ADAMTSL3: variants seen among roughly 807,000 people sequenced by gnomAD.
ADAMTSL3 encodes ADAMTS-like protein 3.
ADAMTSL3 carries 128 observed loss-of-function variants against 201.7 expected under a neutral mutation model. That is an observed-to-expected ratio of 0.63 (90% CI 0.55 to 0.73). The LOEUF (loss-of-function observed/expected upper bound fraction) is 0.73. Among genes scored for constraint, ADAMTSL3 ranks in the 30% least tolerant of loss-of-function variants. The pLI is 0.00. For synonymous variants in ADAMTSL3, 738 were observed against 748.4 expected (o/e 0.99, Z 0.23); for missense variants, 1,990 against 2,119.6 (o/e 0.94, Z 1.20).
intron 7 of ADAMTSL3, among the ~76,000 whole-genome samples, chr15:83,851,432 G>A (rs2064610907): frequency 6.6e-6 from 1 of 151,998 alleles, no homozygotes; most frequent in East Asian, 1.9e-4. Context: ...GACAATGGTT[G>A]GAATATACAC....
chr15:83,989,674 C>T (rs1044477809), intron 22 of ADAMTSL3, among the ~76,000 whole-genome samples: 1 of 152,182 alleles, frequency 6.6e-6, no homozygotes, highest in African/African-American at 2.4e-5. Context: ...ATTTTTAATA[C>T]TTAGTACTGC....
chr15:84,020,473 T>A (rs6603015), intron 25 of ADAMTSL3, among the ~76,000 whole-genome samples: 126,593 of 152,232 alleles, frequency 0.83, 52,993 homozygotes, highest in East Asian at 0.95. Context: ...ATAAACTGTA[T>A]TCCTGAGTGT....
intron 3 of ADAMTSL3, among the ~76,000 whole-genome samples, chr15:83,769,740 A>T (rs919434251): frequency 2.0e-5 from 3 of 149,666 alleles, no homozygotes; most frequent in African/African-American, 7.4e-5. Context: ...TCTTCATTTC[A>T]CTTTTGAAGG....
At chr15:83,984,339 G>A (rs982473920) in intron 21 of ADAMTSL3, among the ~76,000 whole-genome samples, 11 of 152,176 alleles carry the variant, frequency 7.2e-5, no homozygotes, top group South Asian at 2.1e-4. Flanking sequence ...ATTGAGCCTC[G>A]TATGTGAAAC....
chr15:83,784,093 C>T (rs912888846), intron 4 of ADAMTSL3, among the ~76,000 whole-genome samples: 1 of 152,102 alleles, frequency 6.6e-6, no homozygotes, highest in Non-Finnish European at 1.5e-5. Context: ...CAGTGAATCT[C>T]GTTTTTTATT....
intron 7 of ADAMTSL3, among the ~76,000 whole-genome samples, chr15:83,843,026 T>C (rs1444110101): frequency 6.6e-6 from 1 of 152,204 alleles, no homozygotes; most frequent in Non-Finnish European, 1.5e-5. Context: ...GGTACTGAAA[T>C]GCAAGGTAGT....
chr15:83,983,403 G>C lies in ADAMTSL3; in HGVS notation c.3716+59G>C. ...CACTACCTTCTTAATGGCTATTCCA[G>C]TTTTCTTGAAAATATTTTCAAATTC... is the stretch of plus-strand genomic sequence containing the variant. On this transcript the variant is annotated intron_variant, in intron 21 of 29. Coordinates refer to ENST00000286744, the MANE Select transcript of ADAMTSL3 (RefSeq NM_207517.3). 2.5e-6 allele frequency: 3 copies of C among 1,190,654 alleles called. No individual in the cohort carries two copies. In the South Asian group the frequency reaches 6.4e-5, roughly 25 times the overall value. The allele number at this position is 1,190,654 out of a possible 1,614,324, so 73.8% of individuals were successfully genotyped here.
intron 3 of ADAMTSL3, among the ~76,000 whole-genome samples, chr15:83,717,685 C>T (rs2062038769): frequency 6.6e-6 from 1 of 151,842 alleles, no homozygotes; most frequent in Non-Finnish European, 1.5e-5. Context: ...AGAACAATCC[C>T]TAAGAATAAA....
chr15:83,723,095 T>A (rs1040165331), intron 3 of ADAMTSL3, among the ~76,000 whole-genome samples: 1 of 152,122 alleles, frequency 6.6e-6, no homozygotes, highest in Non-Finnish European at 1.5e-5. Context: ...TGTAAAAGAC[T>A]TTTCAAATGG....
At chr15:83,963,415 A>G (rs1197866319) in intron 19 of ADAMTSL3, among the ~76,000 whole-genome samples, 1 of 152,164 alleles carries the variant, frequency 6.6e-6, no homozygotes, top group Non-Finnish European at 1.5e-5. Context: ...GGTGGAGCCC[A>G]CCACAGCTTG....
chr15:84,014,738 T>C lies in ADAMTSL3; in HGVS notation c.4156+14T>C, dbSNP rs2068060730. 6.3e-7 allele frequency: 1 copy of C among 1,599,444 alleles called. No individual in the cohort carries two copies. The highest frequency in any genetic ancestry group is 8.5e-7 in the Non-Finnish European group (1 of 1,173,450). ...TCCACTTGCTGGGTAAGTGTCAAATTCTTATTGCTCCTTAAGTGCCTCCTG... is the reference window on the plus strand; with the variant it reads ...TCCACTTGCTGGGTAAGTGTCAAATCCTTATTGCTCCTTAAGTGCCTCCTG... On this transcript the variant is annotated intron_variant, in intron 24 of 29. Coordinates refer to ENST00000286744, the MANE Select transcript of ADAMTSL3 (RefSeq NM_207517.3).
intron 7 of ADAMTSL3, among the ~76,000 whole-genome samples, chr15:83,844,847 G>A (rs1276370524): frequency 1.3e-5 from 2 of 152,220 alleles, no homozygotes; most frequent in Non-Finnish European, 2.9e-5. Flanking sequence ...GAAGCAGACA[G>A]ACTGTGAACT....
chr15:83,804,993 T>A (rs540744444), intron 5 of ADAMTSL3, among the ~76,000 whole-genome samples: 1 of 152,338 alleles, frequency 6.6e-6, no homozygotes, highest in Non-Finnish European at 1.5e-5. Flanking sequence ...TTCATTATCT[T>A]ACCTGACCTT....
intron 15 of ADAMTSL3, among the ~76,000 whole-genome samples, chr15:83,910,715 A>T (rs1368274629): frequency 1.3e-5 from 2 of 150,142 alleles, no homozygotes; most frequent in Non-Finnish European, 3.0e-5. Flanking sequence ...GCTCACTGCA[A>T]CCTCCACCTC....
chr15:83,776,344 C>T (rs971493594), intron 4 of ADAMTSL3, among the ~76,000 whole-genome samples: 2 of 152,172 alleles, frequency 1.3e-5, no homozygotes, highest in East Asian at 1.9e-4. Flanking sequence ...GTGAATTAAA[C>T]TAACACATAT....
At chr15:83,998,561 G>A (rs1800198271) in intron 23 of ADAMTSL3, among the ~76,000 whole-genome samples, 1 of 152,148 alleles carries the variant, frequency 6.6e-6, no homozygotes, top group African/African-American at 2.4e-5. Flanking sequence ...TAATGTTGAA[G>A]GTAAAACAAG....
intron 8 of ADAMTSL3, among the ~76,000 whole-genome samples, chr15:83,867,402 A>G (rs574244720): frequency 6.6e-6 from 1 of 152,300 alleles, no homozygotes; most frequent in African/African-American, 2.4e-5. Flanking sequence ...TCAAAAATGG[A>G]AGCAATAAGC....
intron 2 of ADAMTSL3, among the ~76,000 whole-genome samples, chr15:83,666,480 T>C (rs1285479682): frequency 6.6e-6 from 1 of 152,196 alleles, no homozygotes; most frequent in Non-Finnish European, 1.5e-5. Context: ...TAAGAGGTTA[T>C]TAAAAATACT....
At chr15:83,914,851 TTGTTTGTTTG>T (rs2066002287) in intron 16 of ADAMTSL3, among the ~76,000 whole-genome samples, 1 of 21,998 alleles carries the variant, frequency 4.5e-5, no homozygotes, top group Non-Finnish European at 7.0e-5. Context: ...TTGTTTGGTT[TTGTTTGTTTG>T]TTTGTTTGTT....
Sources: allele counts gnomAD v4.1 joint callset (sites outside exome capture counted in the v4.1 genomes callset), GRCh38; gene constraint gnomAD v4.1.1; transcripts MANE v1.5; gene names NCBI Gene and HGNC (gene_info 2026-07-23, HGNC 2026-07-21).